Variants in ADPRH observed in about 807,000 individuals in gnomAD.
ADPRH encodes ADP-ribose-L-arginine cleaving enzyme.
ADPRH carries 27 observed loss-of-function variants against 28.8 expected under a neutral mutation model. That is an observed-to-expected ratio of 0.94 (90% confidence interval 0.69 to 1.29). ADPRH has a LOEUF of 1.29. ADPRH is among the 50% of genes most tolerant of loss of function. The pLI is 0.00. For synonymous variants in ADPRH, 161 were observed against 166.9 expected, an observed-to-expected ratio of 0.96 and a Z score of 0.27; for missense variants, 419 against 444.8, an observed-to-expected ratio of 0.94 and a Z score of 0.52.
At chr3:119,585,138 A>C (rs546833840) in intron 3 of ADPRH, among the ~76,000 whole-genome samples, 2 of 152,220 alleles carry the variant, frequency 1.3e-5, no homozygotes, top group African/African-American at 4.8e-5. Context: ...TGTCACCCCA[A>C]GGATTGGCTT....
At position 119,586,453 on chromosome 3, in the gene ADPRH, T is replaced by C. The variant is rs2082460735; in HGVS notation, c.467T>C (p.Ile156Thr). The C allele has an allele frequency of 6.2e-7, 1 of 1,614,106 alleles. No individual in the cohort carries two copies. Among genetic ancestry groups the C allele is most frequent in the Non-Finnish European group, 8.5e-7 (1 of 1,180,052 alleles). The change falls in exon 4 of 5, where the codon ATC (isoleucine) becomes ACC (threonine). Residue 156 changes from isoleucine (I) to threonine (T), a missense_variant. Physicochemically the swap from Ile to Thr is moderately conservative, Grantham distance 89 (BLOSUM62 -1). Coordinates refer to ENST00000357003, the MANE Select transcript of ADPRH (RefSeq NM_001125.4). Reference protein sequence around the residue: ...SQLDTLIQVSIESGRMTHHHP... With the variant: ...SQLDTLIQVSTESGRMTHHHP... ...CTGGACACACTGATCCAAGTGAGCA[T>C]CGAGAGTGGTCGGATGACCCACCAC...
chr3:119,585,327 G>A (rs192281078), intron 3 of ADPRH, among the ~76,000 whole-genome samples: 6 of 152,266 alleles, frequency 3.9e-5, no homozygotes, highest in Admixed American at 1.3e-4. Flanking sequence ...GTTCGCATGC[G>A]TATTCACAGG....
At chr3:119,581,498 C>T (rs901462869) in intron 2 of ADPRH, among the ~76,000 whole-genome samples, 2 of 152,182 alleles carry the variant, frequency 1.3e-5, no homozygotes, top group African/African-American at 4.8e-5. Flanking sequence ...AAGATCTGGA[C>T]TGAGGCTGAG....
chr3:119,583,998 G>A (rs997816374), intron 3 of ADPRH, among the ~76,000 whole-genome samples: 2 of 151,416 alleles, frequency 1.3e-5, no homozygotes, highest in East Asian at 2.0e-4. Flanking sequence ...GGCTGGTTTC[G>A]AACTCCTGAC....
chr3:119,585,336 G>A (rs965129458), intron 3 of ADPRH, among the ~76,000 whole-genome samples: 11 of 152,160 alleles, frequency 7.2e-5, no homozygotes, highest in Non-Finnish European at 1.6e-4. Flanking sequence ...CGTATTCACA[G>A]GTCCCCAGTA....
chr3:119,583,800 T>A (rs1560067400), intron 3 of ADPRH, among the ~76,000 whole-genome samples: 1 of 151,968 alleles, frequency 6.6e-6, no homozygotes, highest in Non-Finnish European at 1.5e-5. Context: ...TTTTTTGAGA[T>A]GGAGTCTCAC....
intron 3 of ADPRH, among the ~76,000 whole-genome samples, chr3:119,584,495 G>A (rs139419324): frequency 0.016 from 2,481 of 152,244 alleles, 38 homozygotes; most frequent in Non-Finnish European, 0.024. Flanking sequence ...CCCCAGAGGC[G>A]GAGGTTGCAG....
At chr3:119,586,734 C>A in intron 4 of ADPRH, 89 bp downstream of exon 4, 1 of 1,530,000 alleles carries the variant, frequency 6.5e-7, no homozygotes, top group Admixed American at 2.2e-5. Context: ...ATTCAGAGAT[C>A]ACAGCAACCC....
At chr3:119,583,582 T>C (rs1408590382) in intron 3 of ADPRH, among the ~76,000 whole-genome samples, 8 of 152,184 alleles carry the variant, frequency 5.3e-5, no homozygotes, top group African/African-American at 9.7e-5. Context: ...GGTTATAAAA[T>C]AGTATGTATG....
chr3:119,582,041 G>GT, intron 2 of ADPRH, 93 bp from the exon 3 acceptor site: 1 of 954,214 alleles, frequency 1.0e-6, no homozygotes, highest in East Asian at 2.5e-5. Flanking sequence ...TCTGCAAGTA[G>GT]TGAGTGCTCA....
intron 3 of ADPRH, among the ~76,000 whole-genome samples, chr3:119,585,618 C>T (rs1260696677): frequency 1.3e-5 from 2 of 152,208 alleles, no homozygotes; most frequent in African/African-American, 2.4e-5. Flanking sequence ...GGTGCAATCT[C>T]GACTCACTGC....
In ADPRH at chr3:119,586,633, A is replaced by C; in HGVS notation, c.647A>C (p.Asn216Thr). The C allele has an allele frequency of 6.2e-7, 1 of 1,613,664 alleles. No homozygotes were observed. Among genetic ancestry groups the C allele is most frequent in the Non-Finnish European group, 8.5e-7 (1 of 1,179,938 alleles). ...CAATCAGGCTACTTTGTAGAGGAAA[A>C]TCTTCAACACTGGTGAGTCTGTAAG... ...IVQSGYFVEE[N>T]LQHWSYFQTK... is the part of the protein sequence containing the mutation. Residue 216 changes from asparagine (N) to threonine (T), a missense_variant, in exon 4 of 5, where the codon AAT (asparagine) becomes ACT (threonine). Coordinates refer to ENST00000357003, the MANE Select transcript of ADPRH (RefSeq NM_001125.4).
chr3:119,582,371 G>A lies in ADPRH; in HGVS notation c.202G>A (p.Val68Met), dbSNP rs2082414803. ...VMHLATAEAL[V>M]EAGKAPKLTQ... ...GCACTTGGCCACAGCAGAAGCTCTT[G>A]TGGAAGCTGGGAAAGCCCCTAAGTT... Residue 68 changes from valine to methionine, a missense_variant, in exon 3 of 5, where the codon GTG (valine) becomes ATG (methionine). By Grantham distance (21) the Val-to-Met change is conservative (BLOSUM62 1). Coordinates refer to ENST00000357003, the MANE Select transcript of ADPRH (RefSeq NM_001125.4). 1 of 1,614,104 alleles carries A rather than the reference G, an allele frequency of 6.2e-7. No individual in the cohort carries two copies. Among genetic ancestry groups the A allele is most frequent in the Non-Finnish European group, 8.5e-7 (1 of 1,180,052 alleles).
Position 119,586,644 on chromosome 3 carries a change from T to C in ADPRH, c.658T>C (p.Trp220Arg). 6.2e-7 allele frequency: 1 copy of C among 1,613,242 alleles called. No individual in the cohort carries two copies. Residue 220 changes from tryptophan (W) to arginine (R), a missense_variant and splice_region_variant, in exon 4 of 5, where the codon TGG (tryptophan) becomes CGG (arginine). Trp to Arg is a moderately radical substitution (Grantham distance 101). Coordinates refer to ENST00000357003, the MANE Select transcript of ADPRH (RefSeq NM_001125.4). ...CTTTGTAGAGGAAAATCTTCAACAC[T>C]GGTGAGTCTGTAAGCGCACGCCCTG... ...GYFVEENLQH[W>R]SYFQTKWENY...
rs779491843 is a variant in ADPRH at position 119,586,333 on chromosome 3, A to T, written c.347A>T (p.Asn116Ile). The change falls in exon 4 of 5, where the codon AAT becomes ATT. Residue 116 changes from asparagine to isoleucine, a missense_variant. Asn to Ile is a moderately radical substitution (Grantham distance 149). Coordinates refer to ENST00000357003, the MANE Select transcript of ADPRH (RefSeq NM_001125.4). ...NAMQLKPGKP[N>I]GWRIPFNSHE... ...ATGCAGCTGAAGCCGGGCAAGCCCA[A>T]TGGCTGGAGGATTCCCTTCAACAGC... 1.9e-6 allele frequency: 3 copies of T among 1,614,008 alleles called. No homozygotes were observed. The highest frequency in any genetic ancestry group is 1.7e-6 in the Non-Finnish European group (2 of 1,180,034).
Position 119,589,923 on chromosome 3 carries a change from T to C in ADPRH, c.*2045T>C, listed in dbSNP as rs543300362. 1.3e-5 allele frequency: 2 copies of C among 152,122 alleles called. No individual in the cohort carries two copies. The highest frequency in any genetic ancestry group is 2.9e-5 in the Non-Finnish European group (2 of 68,008). The allele number at this position is 152,122 out of a possible 1,614,324, so 9.4% of individuals were successfully genotyped here. ...TATGCATAACATTAGGGTAAATCAA[T>C]AAAGATGGTCTGACACATCGTATGA... On this transcript the variant is annotated 3_prime_UTR_variant, in exon 5 of 5. Coordinates refer to ENST00000357003, the MANE Select transcript of ADPRH (RefSeq NM_001125.4).
In ADPRH at chr3:119,582,297, T is replaced by C. The variant is rs547308034; in HGVS notation, c.128T>C (p.Leu43Ser). ...CGGCAGTTGGCCCAGCTGGGCGGCT[T>C]GGATGCCCTAGACGTGGGAAGGTGG... is the stretch of plus-strand genomic sequence containing the variant. Reference protein sequence around the residue: ...IHRQLAQLGGLDALDVGRWRV... With the variant: ...IHRQLAQLGGSDALDVGRWRV... Residue 43 changes from leucine to serine, a missense_variant, in exon 3 of 5, where the codon TTG becomes TCG. Transcript: ENST00000357003. 4.1e-4 allele frequency: 657 copies of C among 1,614,166 alleles called. 9 individuals carry two copies. In the South Asian group the frequency reaches 6.8e-3, roughly 17 times the overall value.
chr3:119,587,678 CTTGCCCACCGAGCCT>C lies in ADPRH; in HGVS notation c.877_891del (p.Ala293_Phe297del). On this transcript the variant is annotated inframe_deletion, in exon 5 of 5. Coordinates refer to ENST00000357003, the MANE Select transcript of ADPRH (RefSeq NM_001125.4). ...TGCTGCAGGAGACTCCTGGAAGGAGCTTGCCCACCGAGCCTTTTTCCATGGTGGAGACAGTGATTC... is the reference window on the plus strand; with the variant it reads ...TGCTGCAGGAGACTCCTGGAAGGAGCTTTTCCATGGTGGAGACAGTGATTC... 6.2e-7 allele frequency: 1 copy of C among 1,614,134 alleles called. No homozygotes were observed. The highest frequency in any genetic ancestry group is 8.5e-7 in the Non-Finnish European group (1 of 1,180,000).
chr3:119,581,357 C>T (rs908632890), intron 2 of ADPRH, among the ~76,000 whole-genome samples: 12 of 152,172 alleles, frequency 7.9e-5, no homozygotes, highest in Non-Finnish European at 7.3e-5. Flanking sequence ...CGTGAGCCAC[C>T]GCGTCCAGCC....
Sources: allele counts gnomAD v4.1 joint callset (sites outside exome capture counted in the v4.1 genomes callset), GRCh38; gene constraint gnomAD v4.1.1; transcripts MANE v1.5; gene names NCBI Gene and HGNC (gene_info 2026-07-23, HGNC 2026-07-21).